Variants in TAFA2 observed in about 807,000 individuals in gnomAD.
TAFA2 encodes the protein TAFA chemokine like family member 2.
A neutral mutation model predicts 18.8 loss-of-function variants in TAFA2; 7 were observed. That is an observed-to-expected ratio of 0.37 (90% CI 0.21 to 0.70). TAFA2 has a LOEUF of 0.70. Among genes scored for constraint, TAFA2 ranks in the 30% least tolerant of loss-of-function variants. The pLI is 0.53. For synonymous variants in TAFA2, 60 were observed against 54.2 expected, an observed-to-expected ratio of 1.11 and a Z score of -0.47; for missense variants, 122 against 158.1, an observed-to-expected ratio of 0.77 and a Z score of 1.23.
At chr12:61,724,614 C>A (rs1870053430) in intron 4 of TAFA2, among the ~76,000 whole-genome samples, 1 of 152,050 alleles carries the variant, frequency 6.6e-6, no homozygotes, top group South Asian at 2.1e-4. Flanking sequence ...TTAGCTTTCA[C>A]TTATAAGTGA....
chr12:62,167,849 G>T (rs146191325), intron 1 of TAFA2, among the ~76,000 whole-genome samples: 3 of 152,068 alleles, frequency 2.0e-5, no homozygotes, highest in African/African-American at 7.2e-5. Flanking sequence ...TAAAAATCAG[G>T]TTGTTCAAAA....
intron 1 of TAFA2, among the ~76,000 whole-genome samples, chr12:62,067,486 T>G (rs148203199): frequency 2.0e-4 from 30 of 152,192 alleles, no homozygotes; most frequent in African/African-American, 6.0e-4. Flanking sequence ...TTATTTGGTT[T>G]TTGTGTATGA....
At chr12:61,715,864 C>T (rs1275185850) in intron 4 of TAFA2, among the ~76,000 whole-genome samples, 6 of 151,928 alleles carry the variant, frequency 3.9e-5, no homozygotes, top group African/African-American at 1.2e-4. Flanking sequence ...CTATAGTGAG[C>T]TATGATCTTG....
At chr12:61,727,660 A>G (rs1870234362) in intron 4 of TAFA2, among the ~76,000 whole-genome samples, 1 of 151,910 alleles carries the variant, frequency 6.6e-6, no homozygotes, top group African/African-American at 2.4e-5. Flanking sequence ...TTATCTTTTC[A>G]AAGAATCAGC....
chr12:61,773,375 C>T (rs1870114515), intron 2 of TAFA2, among the ~76,000 whole-genome samples: 1 of 151,760 alleles, frequency 6.6e-6, no homozygotes, highest in African/African-American at 2.4e-5. Context: ...TCATGTAGAA[C>T]CAAAAAAGGG....
At chr12:61,738,322 CACACACA>C (rs1565756807) in intron 4 of TAFA2, among the ~76,000 whole-genome samples, 24 of 147,448 alleles carry the variant, frequency 1.6e-4, no homozygotes, top group Non-Finnish European at 2.3e-4. Context: ...CACACACACA[CACACACA>C]AACCTAGCTC....
chr12:61,787,220 C>A (rs1170432236), intron 2 of TAFA2, among the ~76,000 whole-genome samples: 3 of 151,478 alleles, frequency 2.0e-5, no homozygotes, highest in Non-Finnish European at 4.4e-5. Context: ...ACAAAGCTAT[C>A]CTTCATAAAT....
chr12:61,770,148 G>C (rs11174167), intron 2 of TAFA2, among the ~76,000 whole-genome samples: 8,567 of 151,960 alleles, frequency 0.056, 802 homozygotes, highest in African/African-American at 0.2. Flanking sequence ...GAATTTCAGA[G>C]CTCAAAGACA....
At chr12:61,816,655 C>T (rs1872098760) in intron 2 of TAFA2, among the ~76,000 whole-genome samples, 1 of 151,264 alleles carries the variant, frequency 6.6e-6, no homozygotes, top group African/African-American at 2.5e-5. Context: ...TTTAAGCGTT[C>T]CTAGGGCTAT....
intron 1 of TAFA2, among the ~76,000 whole-genome samples, chr12:61,989,635 G>T (rs372552349): frequency 6.6e-6 from 1 of 152,160 alleles, no homozygotes; most frequent in Admixed American, 6.5e-5. Flanking sequence ...CACATGAGAA[G>T]CTGCCACTTC....
chr12:62,198,986 C>G (rs1191669473), intron 1 of TAFA2, among the ~76,000 whole-genome samples: 1 of 151,918 alleles, frequency 6.6e-6, no homozygotes, highest in Non-Finnish European at 1.5e-5. Context: ...ACAAACCACC[C>G]CAAAACTTAG....
chr12:61,772,296 C>T (rs1402099131), intron 2 of TAFA2, among the ~76,000 whole-genome samples: 1 of 151,862 alleles, frequency 6.6e-6, no homozygotes, highest in Non-Finnish European at 1.5e-5. Context: ...TTCTATCAGA[C>T]ATTCAAAGAA....
intron 2 of TAFA2, among the ~76,000 whole-genome samples, chr12:61,803,723 T>C (rs368027358): frequency 6.6e-6 from 1 of 152,076 alleles, no homozygotes; most frequent in African/African-American, 2.4e-5. Flanking sequence ...GTCAGAAGCA[T>C]AATAACTTCT....
At chr12:61,886,350 A>T (rs1875376532) in intron 1 of TAFA2, among the ~76,000 whole-genome samples, 1 of 151,856 alleles carries the variant, frequency 6.6e-6, no homozygotes, top group African/African-American at 2.4e-5. Context: ...AAAAGACCTC[A>T]CTTTGTTCTC....
chr12:61,765,429 G>A (rs1869747209), intron 2 of TAFA2, among the ~76,000 whole-genome samples: 3 of 152,106 alleles, frequency 2.0e-5, no homozygotes, highest in Non-Finnish European at 2.9e-5. Flanking sequence ...ATGTATATCT[G>A]TTATAGTAGC....
At chr12:61,901,178 T>A (rs1026781754) in intron 1 of TAFA2, among the ~76,000 whole-genome samples, 1 of 152,166 alleles carries the variant, frequency 6.6e-6, no homozygotes, top group Non-Finnish European at 1.5e-5. Flanking sequence ...CTTTTCCCAA[T>A]AGTGTTTTGT....
At chr12:62,196,499 T>C (rs2062649745), upstream of TAFA2, among the ~76,000 whole-genome samples, 1 of 152,140 alleles carries the variant, frequency 6.6e-6, no homozygotes, top group Admixed American at 6.6e-5. Flanking sequence ...TACAGACCAC[T>C]GTAGGGTTAT....
chr12:62,068,583 T>A (rs1267799885), intron 1 of TAFA2, among the ~76,000 whole-genome samples: 3 of 152,142 alleles, frequency 2.0e-5, no homozygotes, highest in African/African-American at 4.8e-5. Flanking sequence ...GGCTCATCTA[T>A]CATGCCAGTC....
intron 1 of TAFA2, among the ~76,000 whole-genome samples, chr12:62,108,234 G>A (rs999654391): frequency 3.9e-5 from 6 of 151,932 alleles, no homozygotes; most frequent in East Asian, 1.9e-4. Context: ...GAGAACATGC[G>A]ATGTTTGGTT....
Sources: gnomAD v4.1 joint callset for allele counts (sites outside exome capture counted in the v4.1 genomes callset) on GRCh38, gnomAD v4.1.1 for gene constraint, MANE v1.5 for transcripts, NCBI Gene and HGNC (gene_info 2026-07-23, HGNC 2026-07-21) for gene names.